Variants in TPRG1 observed in about 807,000 individuals in gnomAD.
TPRG1 encodes the protein tumor protein p63 regulated 1, also known as tumor protein p63-regulated gene 1 protein.
A neutral mutation model predicts 29.3 loss-of-function variants in TPRG1; 29 were observed. The ratio of observed to expected loss-of-function variants is 0.99; its 90% CI spans 0.74 to 1.35. The LOEUF is 1.35. TPRG1 is among the 40% of genes most tolerant of loss of function. TPRG1 has a pLI of 0.00. For missense variants in TPRG1, 327 were observed against 335.0 expected (o/e 0.98, Z 0.19); for synonymous variants, 130 against 116.8 (o/e 1.11, Z -0.73).
intron 4 of TPRG1, among the ~76,000 whole-genome samples, chr3:189,276,885 T>C (rs1716243500): frequency 6.6e-6 from 1 of 152,176 alleles, no homozygotes; most frequent in African/African-American, 2.4e-5. Flanking sequence ...TCCTTTCTTT[T>C]TTTTTTAGTT....
chr3:189,150,369 G>C (rs1362231857), intron 4 of TPRG1, among the ~76,000 whole-genome samples: 1 of 152,182 alleles, frequency 6.6e-6, no homozygotes, highest in Non-Finnish European at 1.5e-5. Context: ...TTTTAGTAGA[G>C]GCGGGGTTTT....
At chr3:189,004,605 C>T (rs1208070816) in exon 3 of TPRG1, 1 of 152,188 alleles carries the variant, frequency 6.6e-6, no homozygotes, top group African/African-American at 2.4e-5. Context: ...AGTTATAAGG[C>T]ACCACAGAAC....
chr3:189,095,181 T>TA, upstream of TPRG1, among the ~76,000 whole-genome samples: 1 of 152,296 alleles, frequency 6.6e-6, no homozygotes, highest in South Asian at 2.1e-4. Flanking sequence ...TGCAAGGCTC[T>TA]GCAATGGAAC....
At chr3:189,307,903 T>C (rs1721871816) in intron 4 of TPRG1, among the ~76,000 whole-genome samples, 1 of 152,222 alleles carries the variant, frequency 6.6e-6, no homozygotes, top group Admixed American at 6.5e-5. Flanking sequence ...GAAAGCCTCT[T>C]GGAATGATAG....
At chr3:189,138,505 G>C (rs987764844) in intron 3 of TPRG1, among the ~76,000 whole-genome samples, 3 of 152,106 alleles carry the variant, frequency 2.0e-5, no homozygotes, top group African/African-American at 7.2e-5. Context: ...AGAGACCCAG[G>C]TTCCTTCCAT....
intron 3 of TPRG1, among the ~76,000 whole-genome samples, chr3:189,021,016 G>T (rs1713272941): frequency 6.7e-6 from 1 of 149,032 alleles, no homozygotes; most frequent in Admixed American, 6.7e-5. Flanking sequence ...GATCTTTGTT[G>T]GTTTAAAGTC....
At chr3:189,203,697 C>T (rs1251281483) in intron 1 of TPRG1, among the ~76,000 whole-genome samples, 1 of 152,068 alleles carries the variant, frequency 6.6e-6, no homozygotes, top group Non-Finnish European at 1.5e-5. Context: ...TTGCTTCTTT[C>T]AGGTAGTTTT....
At chr3:189,076,481 T>C (rs1363748378) in intron 4 of TPRG1, among the ~76,000 whole-genome samples, 1 of 152,186 alleles carries the variant, frequency 6.6e-6, no homozygotes, top group Non-Finnish European at 1.5e-5. Flanking sequence ...TGTATTTTGC[T>C]GATTGAATAT....
intron 4 of TPRG1, among the ~76,000 whole-genome samples, chr3:189,072,783 A>G (rs1430776919): frequency 6.6e-6 from 1 of 152,116 alleles, no homozygotes; most frequent in Non-Finnish European, 1.5e-5. Flanking sequence ...CCATCCATCC[A>G]TCCATCCATC....
chr3:189,088,145 T>C (rs1324802040), intron 4 of TPRG1, among the ~76,000 whole-genome samples: 1 of 152,248 alleles, frequency 6.6e-6, no homozygotes, highest in East Asian at 1.9e-4. Context: ...GCATCGAATA[T>C]TCTTCCATTT....
chr3:189,289,384 G>C (rs1030107906), intron 4 of TPRG1, among the ~76,000 whole-genome samples: 1 of 150,056 alleles, frequency 6.7e-6, no homozygotes, highest in Non-Finnish European at 1.5e-5. Flanking sequence ...TGTTCCTACT[G>C]TCATGATCTT....
intron 4 of TPRG1, among the ~76,000 whole-genome samples, chr3:189,051,420 G>A (rs985017933): frequency 1.1e-4 from 17 of 152,110 alleles, no homozygotes; most frequent in East Asian, 3.9e-4. Context: ...GGAAAACTAC[G>A]AAACACTGCT....
At chr3:189,266,521 T>C (rs560455761) in intron 4 of TPRG1, among the ~76,000 whole-genome samples, 13 of 152,162 alleles carry the variant, frequency 8.5e-5, no homozygotes, top group South Asian at 6.2e-4. Flanking sequence ...CATGATGAGT[T>C]GGTGTAAGAG....
At chr3:189,102,320 A>G (rs1203513667) in intron 1 of TPRG1, among the ~76,000 whole-genome samples, 1 of 152,192 alleles carries the variant, frequency 6.6e-6, no homozygotes, top group Non-Finnish European at 1.5e-5. Context: ...ATCTATCTCC[A>G]GAGCCAGCTT....
At chr3:189,094,350 C>G (rs1253894508) in intron 4 of TPRG1, among the ~76,000 whole-genome samples, 3 of 152,178 alleles carry the variant, frequency 2.0e-5, no homozygotes, top group South Asian at 2.1e-4. Flanking sequence ...CAATTTTTCT[C>G]TCTTCTTCCA....
At chr3:189,046,042 G>T (rs1410518403) in intron 4 of TPRG1, among the ~76,000 whole-genome samples, 1 of 152,196 alleles carries the variant, frequency 6.6e-6, no homozygotes, top group African/African-American at 2.4e-5. Context: ...CTCAGTAAGA[G>T]GCAAAGCTGT....
chr3:189,084,945 A>T (rs1717836753), intron 4 of TPRG1, among the ~76,000 whole-genome samples: 2 of 152,212 alleles, frequency 1.3e-5, no homozygotes, highest in African/African-American at 2.4e-5. Context: ...ATGCTTGATA[A>T]AACATGTTAA....
At chr3:189,054,965 T>C (rs1165893402) in intron 4 of TPRG1, among the ~76,000 whole-genome samples, 1 of 152,142 alleles carries the variant, frequency 6.6e-6, no homozygotes, top group African/African-American at 2.4e-5. Context: ...ACCTTCAGAT[T>C]GTAAAAAATG....
chr3:189,310,443 G>A lies in TPRG1; in HGVS notation c.537G>A (p.Leu179=). Residue 179 remains leucine, a synonymous_variant, in exon 5 of 6, where the codon CTG becomes CTA. Transcript: ENST00000345063. ...GGAGTCCGGAGGAGCAGTCTCTTCT[G>A]TCCCGCTGGAACCCATGGTCCACTG... The part of the protein sequence containing the change: ...YWGSPEEQSL[L]SRWNPWSTEV... 1 of 1,611,612 alleles carries A rather than the reference G, an allele frequency of 6.2e-7. No individual in the cohort carries two copies. Among genetic ancestry groups the A allele is most frequent in the East Asian group, 2.2e-5 (1 of 44,794 alleles).
Sources: gnomAD v4.1 joint callset for allele counts (sites outside exome capture counted in the v4.1 genomes callset) on GRCh38, gnomAD v4.1.1 for gene constraint, MANE v1.5 for transcripts, NCBI Gene and HGNC (gene_info 2026-07-23, HGNC 2026-07-21) for gene names.